Variants in FSTL5 observed in about 807,000 individuals in gnomAD.
FSTL5 encodes follistatin like 5.
Under a neutral mutation model 89.1 loss-of-function variants are expected in FSTL5, and 62 were observed. The ratio of observed to expected loss-of-function variants is 0.70; its 90% CI spans 0.57 to 0.86. The LOEUF is 0.86. Ranked by LOEUF, FSTL5 falls within the 40% of genes least tolerant of loss-of-function variation. FSTL5 has a pLI of 0.00. For missense variants in FSTL5, 1,057 were observed against 1,001.6 expected, an observed-to-expected ratio of 1.06 and a Z score of -0.75; for synonymous variants, 383 against 346.2, an observed-to-expected ratio of 1.11 and a Z score of -1.18.
chr4:161,539,501 C>G (rs1203167990), intron 9 of FSTL5, among the ~76,000 whole-genome samples: 1 of 152,022 alleles, frequency 6.6e-6, no homozygotes, highest in Non-Finnish European at 1.5e-5. Context: ...CCCTCATTCC[C>G]CACATAATTC....
chr4:161,732,844 A>T, intron 6 of FSTL5, among the ~76,000 whole-genome samples: 1 of 150,880 alleles, frequency 6.6e-6, no homozygotes, highest in East Asian at 1.9e-4. Flanking sequence ...CTCTTCTATT[A>T]TTCTATATGT....
chr4:161,468,156 C>T (rs913555565), intron 13 of FSTL5, among the ~76,000 whole-genome samples: 8 of 152,044 alleles, frequency 5.3e-5, no homozygotes, highest in African/African-American at 1.9e-4. Flanking sequence ...TACTAATCAA[C>T]CCCATCATAC....
chr4:161,857,237 T>C lies in FSTL5; in HGVS notation c.409+63167A>G, dbSNP rs139889615. On this transcript the variant is annotated intron_variant, in intron 4 of 15. Coordinates refer to ENST00000306100, the MANE Select transcript of FSTL5 (RefSeq NM_020116.5). Reference sequence around the variant, plus strand: ...GTGATCATGGTGAAAATGCTGAGAATTGATCAGATTCTCAAATCAGATACA... The same window carrying C: ...GTGATCATGGTGAAAATGCTGAGAACTGATCAGATTCTCAAATCAGATACA... Among the ~76,000 whole-genome samples, 73 of 152,220 alleles carry C rather than the reference T, an allele frequency of 4.8e-4. 1 individual carries two copies. In the East Asian group the frequency reaches 0.014, roughly 29 times the overall value.
At chr4:161,421,335 T>G (rs1209576867) in intron 15 of FSTL5, among the ~76,000 whole-genome samples, 4 of 136,662 alleles carry the variant, frequency 2.9e-5, no homozygotes, top group Non-Finnish European at 3.3e-5. Context: ...AGCAAAAGAC[T>G]GTCTCAAAAA....
chr4:161,420,849 C>T (rs1469791331), intron 15 of FSTL5, among the ~76,000 whole-genome samples: 1 of 148,544 alleles, frequency 6.7e-6, no homozygotes, highest in Non-Finnish European at 1.5e-5. Context: ...ATTATATAGG[C>T]CATAACATAT....
At chr4:161,695,389 T>C (rs1418804160) in intron 6 of FSTL5, among the ~76,000 whole-genome samples, 1 of 151,374 alleles carries the variant, frequency 6.6e-6, no homozygotes, top group Non-Finnish European at 1.5e-5. Flanking sequence ...CCATTATTCA[T>C]TCCTTTTAAT....
chr4:162,057,409 A>G (rs1490431979), intron 2 of FSTL5, among the ~76,000 whole-genome samples: 1 of 152,224 alleles, frequency 6.6e-6, no homozygotes, highest in African/African-American at 2.4e-5. Flanking sequence ...TAACTTAGAA[A>G]TTACTCATAC....
At position 161,492,408 on chromosome 4, in the gene FSTL5, A is replaced by T. The variant is rs28582675; in HGVS notation, c.1458+7608T>A. ...GAAATGTTTATTTTAAAATATAGCC[A>T]GAAACATAAATGTTATGTATGTCTA... On this transcript the variant is annotated intron_variant, in intron 12 of 15. Transcript: ENST00000306100. 5.7e-3 allele frequency among the ~76,000 whole-genome samples: 868 copies of T among 152,308 alleles called. 3 individuals carry two copies. The highest frequency in any genetic ancestry group is 0.02 in the African/African-American group (826 of 41,592).
intron 6 of FSTL5, among the ~76,000 whole-genome samples, chr4:161,676,662 A>T (rs1220368027): frequency 2.6e-5 from 4 of 151,964 alleles, no homozygotes; most frequent in Admixed American, 6.6e-5. Flanking sequence ...ATAAATTTTT[A>T]AAAAATAATA....
chr4:161,414,693 C>G (rs1731712157), intron 15 of FSTL5, among the ~76,000 whole-genome samples: 1 of 152,072 alleles, frequency 6.6e-6, no homozygotes, highest in African/African-American at 2.4e-5. Flanking sequence ...ATCCCAAAAG[C>G]AAATTAACTG....
intron 4 of FSTL5, among the ~76,000 whole-genome samples, chr4:161,844,490 T>A (rs1337857887): frequency 6.6e-6 from 1 of 152,144 alleles, no homozygotes; most frequent in Non-Finnish European, 1.5e-5. Context: ...CCACGTATGT[T>A]TATTGCAGCA....
chr4:161,589,937 T>G (rs1271648570), intron 7 of FSTL5, among the ~76,000 whole-genome samples: 1 of 151,866 alleles, frequency 6.6e-6, no homozygotes, highest in East Asian at 2.0e-4. Flanking sequence ...ATAGGAACAC[T>G]CATACCGTAA....
intron 4 of FSTL5, among the ~76,000 whole-genome samples, chr4:161,828,730 G>A (rs564986099): frequency 6.6e-6 from 1 of 151,752 alleles, no homozygotes; most frequent in Non-Finnish European, 1.5e-5. Flanking sequence ...AATAATAGAT[G>A]GTCTAAACAC....
At chr4:161,792,750 T>C (rs1220107639) in intron 4 of FSTL5, among the ~76,000 whole-genome samples, 2 of 152,182 alleles carry the variant, frequency 1.3e-5, no homozygotes, top group Non-Finnish European at 2.9e-5. Flanking sequence ...CTGAGAATTC[T>C]GCTGCTGCTC....
chr4:161,832,410 G>A (rs1188628738), intron 4 of FSTL5, among the ~76,000 whole-genome samples: 3 of 152,096 alleles, frequency 2.0e-5, no homozygotes, highest in African/African-American at 7.2e-5. Flanking sequence ...GAGTTAGGGA[G>A]GATTCCCTCT....
chr4:161,636,268 A>G (rs917951217), intron 7 of FSTL5, among the ~76,000 whole-genome samples: 7 of 152,132 alleles, frequency 4.6e-5, no homozygotes, highest in African/African-American at 1.7e-4. Flanking sequence ...AAAATCTATG[A>G]AACTGTTTCT....
chr4:161,508,238 G>A (rs1169414693), intron 11 of FSTL5, among the ~76,000 whole-genome samples: 2 of 151,908 alleles, frequency 1.3e-5, no homozygotes, highest in Non-Finnish European at 2.9e-5. Flanking sequence ...GTAATGCCTT[G>A]CCAATAATTG....
intron 6 of FSTL5, among the ~76,000 whole-genome samples, chr4:161,733,986 T>G (rs1739704232): frequency 6.6e-6 from 1 of 151,988 alleles, no homozygotes; most frequent in African/African-American, 2.4e-5. Flanking sequence ...ATTTTTTTCT[T>G]TCTTCATTTC....
chr4:161,386,657 A>G lies in FSTL5; in HGVS notation c.1842-208T>C, dbSNP rs540020393. On this transcript the variant is annotated intron_variant, in intron 15 of 15. Transcript: ENST00000306100. Reference sequence around the variant, plus strand: ...ATTCTTTCATTACATCCAAATCATCATAACTCATGCTGTAGAAAGAAAAAT... The same window carrying G: ...ATTCTTTCATTACATCCAAATCATCGTAACTCATGCTGTAGAAAGAAAAAT... 28 of 537,132 alleles carry G rather than the reference A, an allele frequency of 5.2e-5. No individual in the cohort carries two copies. In the South Asian group the frequency reaches 6.5e-4, roughly 12 times the overall value. 33.3% of individuals were successfully genotyped at this position (537,132 alleles called of 1,614,324 possible).
Sources: allele counts gnomAD v4.1 joint callset (sites outside exome capture counted in the v4.1 genomes callset), GRCh38; gene constraint gnomAD v4.1.1; transcripts MANE v1.5; gene names NCBI Gene and HGNC (gene_info 2026-07-23, HGNC 2026-07-21).